SEMA4D: variants seen among roughly 807,000 people sequenced by gnomAD.
SEMA4D encodes semaphorin-4D.
In SEMA4D, 22 loss-of-function variants were observed where a neutral mutation model predicts 74.8. The observed-to-expected ratio is 0.29, with a 90% CI of 0.21 to 0.42. SEMA4D has a LOEUF of 0.42. Among genes scored for constraint, SEMA4D ranks in the 10% least tolerant of loss-of-function variants. The pLI is 1.00. For missense variants in SEMA4D, 937 were observed against 1,118.4 expected (o/e 0.84, Z 2.31); for synonymous variants, 445 against 463.7 (o/e 0.96, Z 0.52).
intron 2 of SEMA4D, among the ~76,000 whole-genome samples, chr9:89,435,017 T>C (rs904416969): frequency 2.0e-5 from 3 of 152,198 alleles, no homozygotes; most frequent in Non-Finnish European, 4.4e-5. Context: ...CATATATTTT[T>C]AATACTGGGA....
intron 1 of SEMA4D, among the ~76,000 whole-genome samples, chr9:89,481,423 G>A (rs954476094): frequency 1.3e-5 from 2 of 152,234 alleles, no homozygotes; most frequent in Non-Finnish European, 2.9e-5. Flanking sequence ...TGCCACCACG[G>A]AGACAAGACC....
chr9:89,478,763 TCCACC>T (rs1192432181), intron 1 of SEMA4D, among the ~76,000 whole-genome samples: 22 of 135,666 alleles, frequency 1.6e-4, no homozygotes, highest in Middle Eastern at 3.6e-3. Context: ...CCCCTCATCC[TCCACC>T]CCACCCCACC....
intron 1 of SEMA4D, among the ~76,000 whole-genome samples, chr9:89,461,700 C>CTCTCTCTCTTTTTTTTTTTTTTT (rs71281350): frequency 2.9e-5 from 3 of 103,644 alleles, no homozygotes; most frequent in Non-Finnish European, 3.8e-5. Context: ...TCTTTTTTCT[C>CTCTCTCTCTTTTTTTTTTTTTTT]TTTTTTTTTT....
chr9:89,465,728 G>C (rs1160044143), intron 1 of SEMA4D, among the ~76,000 whole-genome samples: 2 of 152,234 alleles, frequency 1.3e-5, no homozygotes, highest in Non-Finnish European at 2.9e-5. Context: ...TCTCCAGGAG[G>C]CTGAACCCAT....
Position 89,381,501 on chromosome 9 carries a change from A to C in SEMA4D, c.1447-155T>G. ...AGGTACTCAGAACCAGAGGCAAACA[A>C]GGCAGGTCTGTGACCTTCCTGCAGA... is the stretch of plus-strand genomic sequence containing the variant. On this transcript the variant is annotated intron_variant, in intron 13 of 15. Coordinates refer to ENST00000422704, the MANE Select transcript of SEMA4D (RefSeq NM_001371194.2). The surrounding 1 kb of genome is among the most constrained non-coding windows in gnomAD (Gnocchi z 4.6). 4.3e-6 allele frequency: 3 copies of C among 693,194 alleles called. No individual in the cohort carries two copies. Among genetic ancestry groups the C allele is most frequent in the Non-Finnish European group, 6.8e-6 (3 of 444,244 alleles). 42.9% of individuals were successfully genotyped at this position (693,194 alleles called of 1,614,324 possible). A position where few individuals can be genotyped will look rare whatever the true frequency, so the allele number is the denominator to read the frequency against.
chr9:89,497,112 C>T (rs1332064974), intron 1 of SEMA4D, among the ~76,000 whole-genome samples: 1 of 152,226 alleles, frequency 6.6e-6, no homozygotes, highest in Non-Finnish European at 1.5e-5. Flanking sequence ...CCCACTCTCC[C>T]ACCTACCCCC....
chr9:89,448,241 G>A (rs1853457804), intron 2 of SEMA4D, among the ~76,000 whole-genome samples: 1 of 152,216 alleles, frequency 6.6e-6, no homozygotes, highest in East Asian at 1.9e-4. Context: ...CTATCAAAGT[G>A]CTGGGATTTA....
At chr9:89,431,094 T>A (rs183924390) in intron 2 of SEMA4D, among the ~76,000 whole-genome samples, 2 of 152,308 alleles carry the variant, frequency 1.3e-5, no homozygotes, top group East Asian at 3.9e-4. Flanking sequence ...TATTGACAAA[T>A]ACAGATAAAC....
At chr9:89,382,908 G>A (rs1837481747) in intron 13 of SEMA4D, among the ~76,000 whole-genome samples, 1 of 152,182 alleles carries the variant, frequency 6.6e-6, no homozygotes. Context: ...GGGCTCTGGG[G>A]GGCAAGGCCT....
At chr9:89,475,527 C>T (rs1293156394) in intron 1 of SEMA4D, among the ~76,000 whole-genome samples, 1 of 152,208 alleles carries the variant, frequency 6.6e-6, no homozygotes, top group Non-Finnish European at 1.5e-5. Flanking sequence ...ACCCATCAAT[C>T]ATTCATTCAC....
At chr9:89,480,375 G>C (rs907939525) in intron 1 of SEMA4D, among the ~76,000 whole-genome samples, 4 of 152,258 alleles carry the variant, frequency 2.6e-5, no homozygotes, top group Non-Finnish European at 5.9e-5. Context: ...CCCGCACCGG[G>C]GCTGCAGGTG....
At chr9:89,446,300 C>T (rs1177380413) in intron 2 of SEMA4D, among the ~76,000 whole-genome samples, 1 of 152,222 alleles carries the variant, frequency 6.6e-6, no homozygotes, top group Non-Finnish European at 1.5e-5. Flanking sequence ...CTCCCCACCT[C>T]AAGATCCTCA....
intron 1 of SEMA4D, among the ~76,000 whole-genome samples, chr9:89,471,597 C>CCGGCT (rs1343206904): frequency 8.7e-6 from 1 of 114,740 alleles, no homozygotes; most frequent in Non-Finnish European, 2.1e-5. Flanking sequence ...CAGATGCATG[C>CCGGCT]CAGCTCAGGT....
rs1425214813 is a variant in SEMA4D at position 89,469,921 on chromosome 9, A to AG, written c.-309-13969dup. Among the ~76,000 whole-genome samples, 5 of 152,256 alleles carry AG rather than the reference A, an allele frequency of 3.3e-5. No homozygotes were observed. In the South Asian group the frequency reaches 1.0e-3, roughly 31 times the overall value. On this transcript the variant is annotated intron_variant, in intron 1 of 15. Coordinates refer to ENST00000422704, the MANE Select transcript of SEMA4D (RefSeq NM_001371194.2). ...TGGCTAAAGAAACAGGGCAAGAAAA[A>AG]GAAAGGAAAGGCACACAAACTGAAA...
At chr9:89,473,614 TGGGA>T (rs1055703629) in intron 1 of SEMA4D, among the ~76,000 whole-genome samples, 7 of 152,056 alleles carry the variant, frequency 4.6e-5, no homozygotes, top group African/African-American at 1.4e-4. Flanking sequence ...CCCAGTACTT[TGGGA>T]GGCCGAGGCA....
At chr9:89,414,011 G>A (rs957661518) in intron 2 of SEMA4D, among the ~76,000 whole-genome samples, 1 of 152,188 alleles carries the variant, frequency 6.6e-6, no homozygotes, top group Non-Finnish European at 1.5e-5. Flanking sequence ...TGTCCTGTAA[G>A]GCAGGAACCA....
chr9:89,368,792 C>A (rs987431795), intron 16 of SEMA4D: 57 of 152,506 alleles, frequency 3.7e-4, no homozygotes, highest in Non-Finnish European at 2.5e-4. Context: ...CTGCCACTTA[C>A]TGGCCAAGCC....
intron 1 of SEMA4D, among the ~76,000 whole-genome samples, chr9:89,474,789 T>C (rs35014607): frequency 0.17 from 26,130 of 152,264 alleles, 2,964 homozygotes; most frequent in Non-Finnish European, 0.25. Flanking sequence ...ACGTTCCTCC[T>C]GGCCAAGCCT....
At chr9:89,452,186 T>TG (rs1554777598) in intron 2 of SEMA4D, among the ~76,000 whole-genome samples, 12 of 149,036 alleles carry the variant, frequency 8.1e-5, no homozygotes, top group African/African-American at 2.5e-4. Context: ...TTTTTTGTTT[T>TG]TTTTTTTTTT....
Sources: allele counts gnomAD v4.1 joint callset (sites outside exome capture counted in the v4.1 genomes callset), GRCh38; gene constraint gnomAD v4.1.1; non-coding constraint Gnocchi (gnomAD v3.1); transcripts MANE v1.5; gene names NCBI Gene and HGNC (gene_info 2026-07-23, HGNC 2026-07-21).